Variants in LUZP2 observed in about 807,000 individuals in gnomAD.
LUZP2 encodes the protein leucine zipper protein 2.
A neutral mutation model predicts 51.6 loss-of-function variants in LUZP2; 52 were observed. The ratio of observed to expected loss-of-function variants is 1.01; its 90% CI spans 0.81 to 1.27. The LOEUF (loss-of-function observed/expected upper bound fraction) is 1.27. Ranked by LOEUF, LUZP2 falls within the 50% of genes most tolerant of loss-of-function variation. LUZP2 has a pLI of 0.00. For synonymous variants in LUZP2, 154 were observed against 137.3 expected (o/e 1.12, Z -0.85); for missense variants, 436 against 395.4 (o/e 1.10, Z -0.87).
At position 24,681,323 on chromosome 11, in the gene LUZP2, GATCT is replaced by G. The variant is rs113791545; in HGVS notation, c.63-47845_63-47842del. 1.1e-4 allele frequency among the ~76,000 whole-genome samples: 17 copies of G among 152,264 alleles called. 1 individual carries two copies. The highest frequency in any genetic ancestry group is 3.6e-4 in the African/African-American group (15 of 41,544). ...TAAGACCATGTTTCTAACGTTCTGT[GATCT>G]TGGGAGCCTTCTCAGACATTCATTC... On this transcript the variant is annotated intron_variant, in intron 1 of 11. Coordinates refer to ENST00000336930, the MANE Select transcript of LUZP2 (RefSeq NM_001009909.4).
rs375105803 is a variant in LUZP2, at chr11:24,640,719, G to A, written c.63-88450G>A. On this transcript the variant is annotated intron_variant, in intron 1 of 11. Coordinates refer to ENST00000336930, the MANE Select transcript of LUZP2 (RefSeq NM_001009909.4). The stretch of plus-strand genomic sequence containing the variant: ...ATTGGAATTTGCTTGAGGATTCATA[G>A]GATGTTATGTAGATAAGCATTAGGA... 7.9e-5 allele frequency among the ~76,000 whole-genome samples: 12 copies of A among 151,892 alleles called. No homozygotes were observed. In the South Asian group the frequency reaches 1.9e-3, roughly 24 times the overall value.
At chr11:25,001,721 CTCTT>C (rs564174914) in intron 9 of LUZP2, among the ~76,000 whole-genome samples, 87 of 152,014 alleles carry the variant, frequency 5.7e-4, no homozygotes, top group Middle Eastern at 3.4e-3. Flanking sequence ...CTTTGTCTAT[CTCTT>C]TCTCTCTTTC....
chr11:25,011,593 A>G (rs1241927621), intron 9 of LUZP2, among the ~76,000 whole-genome samples: 1 of 152,194 alleles, frequency 6.6e-6, no homozygotes, highest in East Asian at 1.9e-4. Context: ...ATATTAAAAC[A>G]AGACATAAAA....
At chr11:24,868,147 G>A (rs1203014679) in intron 5 of LUZP2, among the ~76,000 whole-genome samples, 1 of 152,088 alleles carries the variant, frequency 6.6e-6, no homozygotes, top group Non-Finnish European at 1.5e-5. Flanking sequence ...GCTTATTGAT[G>A]TAAATATTGC....
intron 4 of LUZP2, among the ~76,000 whole-genome samples, chr11:24,739,521 C>G (rs1225008992): frequency 1.3e-5 from 2 of 152,016 alleles, no homozygotes; most frequent in African/African-American, 4.8e-5. Context: ...TTGGGTTGTT[C>G]AGAGCAAGGC....
At chr11:24,690,621 A>ATT (rs1857035146) in intron 1 of LUZP2, among the ~76,000 whole-genome samples, 2 of 152,086 alleles carry the variant, frequency 1.3e-5, no homozygotes, top group African/African-American at 4.8e-5. Flanking sequence ...TTGTAATAGA[A>ATT]TTTTGGTGAT....
intron 5 of LUZP2, among the ~76,000 whole-genome samples, chr11:24,859,097 G>T (rs1178348510): frequency 6.6e-6 from 1 of 152,054 alleles, no homozygotes. Context: ...TAACAAAAGA[G>T]AAATTAATAG....
At chr11:24,515,770 C>G (rs1017125336) in intron 1 of LUZP2, among the ~76,000 whole-genome samples, 1 of 152,126 alleles carries the variant, frequency 6.6e-6, no homozygotes, top group Non-Finnish European at 1.5e-5. Context: ...CAAGCACTGA[C>G]TAATATGTAT....
At chr11:24,605,909 G>A (rs1287941382) in intron 1 of LUZP2, among the ~76,000 whole-genome samples, 1 of 151,326 alleles carries the variant, frequency 6.6e-6, no homozygotes, top group Non-Finnish European at 1.5e-5. Flanking sequence ...CTCTTTTTCT[G>A]TTAATTCAAG....
At chr11:24,859,469 G>T (rs1023681152) in intron 5 of LUZP2, among the ~76,000 whole-genome samples, 2 of 152,152 alleles carry the variant, frequency 1.3e-5, no homozygotes, top group African/African-American at 4.8e-5. Flanking sequence ...GTAAATATTT[G>T]TGATTTTTAT....
At chr11:24,931,728 T>G (rs1854461913) in intron 7 of LUZP2, among the ~76,000 whole-genome samples, 1 of 152,228 alleles carries the variant, frequency 6.6e-6, no homozygotes, top group Non-Finnish European at 1.5e-5. Flanking sequence ...TGAATTCTTT[T>G]TCTGGCAATT....
chr11:24,899,423 A>AC (rs1474164093), intron 5 of LUZP2, among the ~76,000 whole-genome samples: 2 of 152,056 alleles, frequency 1.3e-5, no homozygotes, highest in Admixed American at 6.6e-5. Context: ...GAAGGTAAAA[A>AC]AAAAACTGTG....
intron 5 of LUZP2, among the ~76,000 whole-genome samples, chr11:24,876,967 G>A (rs1188523085): frequency 6.6e-6 from 1 of 152,100 alleles, no homozygotes; most frequent in Non-Finnish European, 1.5e-5. Flanking sequence ...CACAACACCT[G>A]ACTTTATGTC....
intron 5 of LUZP2, among the ~76,000 whole-genome samples, chr11:24,903,374 A>T (rs1853337860): frequency 6.6e-6 from 1 of 152,186 alleles, no homozygotes; most frequent in African/African-American, 2.4e-5. Context: ...AGCTTTTTAG[A>T]TTTCCAAATT....
At chr11:24,827,296 T>C (rs1462168471) in intron 5 of LUZP2, among the ~76,000 whole-genome samples, 1 of 152,198 alleles carries the variant, frequency 6.6e-6, no homozygotes, top group Admixed American at 6.5e-5. Context: ...CAAGGCATAT[T>C]TCTGCTTTCT....
chr11:24,573,896 T>C (rs11028033), intron 1 of LUZP2, among the ~76,000 whole-genome samples: 57,158 of 151,282 alleles, frequency 0.38, 11,101 homozygotes, highest in Middle Eastern at 0.51. Flanking sequence ...ATTATTATTA[T>C]ACTTTAAGTT....
chr11:24,636,727 C>T (rs554404593), intron 1 of LUZP2, among the ~76,000 whole-genome samples: 1 of 152,290 alleles, frequency 6.6e-6, no homozygotes, highest in African/African-American at 2.4e-5. Context: ...ATGGTGTCTA[C>T]ACTTCTTTCC....
At chr11:24,903,014 GTTATTTC>G (rs1426912167) in intron 5 of LUZP2, among the ~76,000 whole-genome samples, 1 of 152,100 alleles carries the variant, frequency 6.6e-6, no homozygotes, top group Non-Finnish European at 1.5e-5. Context: ...TTAATTCATA[GTTATTTC>G]TTAATTCTAA....
chr11:24,725,785 A>T (rs1858452673), intron 1 of LUZP2, among the ~76,000 whole-genome samples: 1 of 152,124 alleles, frequency 6.6e-6, no homozygotes. Flanking sequence ...CTTCATTTGG[A>T]GATAGTTTTT....
Sources: allele counts gnomAD v4.1 joint callset (sites outside exome capture counted in the v4.1 genomes callset), GRCh38; gene constraint gnomAD v4.1.1; transcripts MANE v1.5; gene names NCBI Gene and HGNC (gene_info 2026-07-23, HGNC 2026-07-21).